KLRG1: variants seen among roughly 807,000 people sequenced by gnomAD.
KLRG1 encodes killer cell lectin like receptor G1, also known as killer cell lectin-like receptor subfamily G member 1.
KLRG1 carries 16 observed loss-of-function variants against 21.8 expected under a neutral mutation model. That is an observed-to-expected ratio of 0.73 (90% CI 0.50 to 1.11). The LOEUF (loss-of-function observed/expected upper bound fraction) is 1.11. Ranked by LOEUF, KLRG1 falls within the 50% of genes most tolerant of loss-of-function variation. KLRG1 has a pLI of 0.00. For missense variants in KLRG1, 173 were observed against 218.3 expected (o/e 0.79, Z 1.31); for synonymous variants, 69 against 75.9 (o/e 0.91, Z 0.47).
At chr12:9,100,559 G>A in the KLRG1 span, among the ~76,000 whole-genome samples, 64 of 152,006 alleles carry the variant, frequency 4.2e-4, no homozygotes, top group African/African-American at 1.2e-3. Context: ...GATTACAGGC[G>A]TAAGCCATCA....
chr12:9,077,677 A>C, the KLRG1 span: 1 of 1,611,118 alleles, frequency 6.2e-7, no homozygotes, highest in Non-Finnish European at 8.5e-7. Context: ...TGGACAAATC[A>C]AAACTAGCTC....
chr12:9,016,934 A>G, the KLRG1 span, among the ~76,000 whole-genome samples: 3 of 152,136 alleles, frequency 2.0e-5, no homozygotes, highest in African/African-American at 7.2e-5. Context: ...TTTAAAAAAT[A>G]GAAAAGGAGG....
chr12:9,068,697 A>C, the KLRG1 span: 1 of 1,431,954 alleles, frequency 7.0e-7, no homozygotes, highest in Non-Finnish European at 9.7e-7. Context: ...AATTTCTGTG[A>C]TCAGGAATTA....
chr12:9,148,426 G>A, the KLRG1 span, among the ~76,000 whole-genome samples: 20 of 152,140 alleles, frequency 1.3e-4, no homozygotes, highest in African/African-American at 4.6e-4. Flanking sequence ...ATCCATGTTT[G>A]TAGATGGTTT....
the KLRG1 span, among the ~76,000 whole-genome samples, chr12:9,111,313 A>G: frequency 6.6e-6 from 1 of 152,242 alleles, no homozygotes. Flanking sequence ...TTAAAAATCA[A>G]TACGTATAGA....
At chr12:9,198,620 G>A in the KLRG1 span, among the ~76,000 whole-genome samples, 1 of 152,254 alleles carries the variant, frequency 6.6e-6, no homozygotes, top group South Asian at 2.1e-4. Flanking sequence ...AATAATTAGT[G>A]GGGTTATGTG....
At chr12:9,030,724 A>G in the KLRG1 span, among the ~76,000 whole-genome samples, 1 of 152,232 alleles carries the variant, frequency 6.6e-6, no homozygotes, top group Non-Finnish European at 1.5e-5. Flanking sequence ...CTATTTTTAC[A>G]TGATAAAAAA....
At chr12:9,098,413 A>G in the KLRG1 span, 1 of 327,564 alleles carries the variant, frequency 3.1e-6, no homozygotes, top group Non-Finnish European at 5.1e-6. Context: ...TATTTTTTTA[A>G]CTGCAGAAGT....
chr12:9,009,659 T>A lies in KLRG1; in HGVS notation c.*122T>A. The A allele has an allele frequency of 6.9e-7, 1 of 1,451,620 alleles. No homozygotes were observed. The highest frequency in any genetic ancestry group is 9.0e-7 in the Non-Finnish European group (1 of 1,106,484). The allele number at this position is 1,451,620 out of a possible 1,614,324, so 89.9% of individuals were successfully genotyped here. On this transcript the variant is annotated 3_prime_UTR_variant, in exon 5 of 5. Coordinates refer to ENST00000356986, the MANE Select transcript of KLRG1 (RefSeq NM_005810.4). ...AGCAAATACTGAACTTTCTCAGATA[T>A]GGCATTAGATGCAAGACAACCTCCT...
the KLRG1 span, among the ~76,000 whole-genome samples, chr12:9,185,989 G>A: frequency 6.6e-6 from 1 of 151,758 alleles, no homozygotes; most frequent in Non-Finnish European, 1.5e-5. Context: ...TGTATTTTTA[G>A]TAGAGATGGG....
the KLRG1 span, among the ~76,000 whole-genome samples, chr12:9,033,041 G>A: frequency 7.4e-4 from 113 of 152,234 alleles, 1 homozygote; most frequent in Middle Eastern, 3.4e-3. Flanking sequence ...CTGCTATGCC[G>A]TAGTCTCAGT....
At chr12:9,074,180 T>G in the KLRG1 span, among the ~76,000 whole-genome samples, 4 of 151,536 alleles carry the variant, frequency 2.6e-5, no homozygotes. Context: ...ATGGAGAGAT[T>G]TGCGAGGAGA....
chr12:8,962,687 G>A (rs530808841), intron 1 of KLRG1, among the ~76,000 whole-genome samples: 139 of 148,780 alleles, frequency 9.3e-4, no homozygotes, highest in Middle Eastern at 3.5e-3. Context: ...CTGCACTCCA[G>A]CCTGGGTGAC....
chr12:9,139,033 G>T, the KLRG1 span, among the ~76,000 whole-genome samples: 1 of 151,554 alleles, frequency 6.6e-6, no homozygotes, highest in Non-Finnish European at 1.5e-5. Flanking sequence ...GATTATTTTA[G>T]ATCTTTGTTC....
chr12:9,034,115 A>C, the KLRG1 span, among the ~76,000 whole-genome samples: 1 of 152,250 alleles, frequency 6.6e-6, no homozygotes. Context: ...CCACAGAAGC[A>C]GAACCAGTAG....
At chr12:9,113,259 C>T in the KLRG1 span, 1 of 1,251,898 alleles carries the variant, frequency 8.0e-7, no homozygotes, top group South Asian at 1.5e-5. Context: ...TTCCTTCCTG[C>T]AGTTCTTACC....
the KLRG1 span, chr12:9,169,529 C>A: frequency 6.2e-7 from 1 of 1,613,008 alleles, no homozygotes; most frequent in South Asian, 1.1e-5. Context: ...CTTGTTCTTC[C>A]TCCTGCTGGT....
chr12:9,178,949 A>C, the KLRG1 span, among the ~76,000 whole-genome samples: 1 of 152,184 alleles, frequency 6.6e-6, no homozygotes, highest in Non-Finnish European at 1.5e-5. Context: ...AACTAGAATA[A>C]ACAAAAGAAA....
chr12:8,958,343 A>G (rs1424422554), intron 1 of KLRG1, among the ~76,000 whole-genome samples: 1 of 152,132 alleles, frequency 6.6e-6, no homozygotes, highest in Non-Finnish European at 1.5e-5. Context: ...GTTGAGAATC[A>G]GTTGATTGTA....
Sources: allele counts gnomAD v4.1 joint callset (sites outside exome capture counted in the v4.1 genomes callset), GRCh38; gene constraint gnomAD v4.1.1; transcripts MANE v1.5; gene names NCBI Gene and HGNC (gene_info 2026-07-23, HGNC 2026-07-21).